The following TTC28 variants were observed in gnomAD, a reference collection of about 807,000 sequenced individuals.
The protein encoded by TTC28 is tetratricopeptide repeat domain 28.
Under a neutral mutation model 198.0 loss-of-function variants are expected in TTC28, and 61 were observed. The ratio of observed to expected loss-of-function variants is 0.31; its 90% CI spans 0.25 to 0.38. TTC28 has a LOEUF of 0.38. Among genes scored for constraint, TTC28 ranks in the 10% least tolerant of loss-of-function variants. The pLI, the probability that TTC28 is intolerant of heterozygous loss-of-function variation, is 1.00. For synonymous variants in TTC28, 1,171 were observed against 1,297.8 expected, an observed-to-expected ratio of 0.90 and a Z score of 2.10; for missense variants, 2,678 against 3,164.0, an observed-to-expected ratio of 0.85 and a Z score of 3.69.
At chr22:28,364,882 T>C (rs2046221855) in intron 2 of TTC28, among the ~76,000 whole-genome samples, 1 of 152,238 alleles carries the variant, frequency 6.6e-6, no homozygotes, top group African/African-American at 2.4e-5. Context: ...TGAACACTGT[T>C]GAAATTACAA....
intron 5 of TTC28, among the ~76,000 whole-genome samples, chr22:28,208,120 C>A (rs1403040764): frequency 1.3e-5 from 2 of 152,068 alleles, no homozygotes; most frequent in Non-Finnish European, 2.9e-5. Context: ...TTGTAACCTG[C>A]CCAAAATGCT....
chr22:28,169,463 C>T (rs1922411507), intron 5 of TTC28, among the ~76,000 whole-genome samples: 1 of 152,124 alleles, frequency 6.6e-6, no homozygotes, highest in Admixed American at 6.6e-5. Context: ...AAATGTGGCA[C>T]ATATACACCA....
At chr22:28,479,933 A>G (rs1347755528) in intron 2 of TTC28, among the ~76,000 whole-genome samples, 1 of 152,194 alleles carries the variant, frequency 6.6e-6, no homozygotes, top group Non-Finnish European at 1.5e-5. Context: ...TATTTTTAAA[A>G]CATTTATTGA....
intron 2 of TTC28, among the ~76,000 whole-genome samples, chr22:28,460,462 G>C (rs968803324): frequency 2.0e-5 from 3 of 151,838 alleles, no homozygotes; most frequent in African/African-American, 7.3e-5. Flanking sequence ...ACTCACATGA[G>C]ATAATACTTT....
intron 2 of TTC28, among the ~76,000 whole-genome samples, chr22:28,354,835 T>A (rs933222950): frequency 2.0e-4 from 31 of 151,542 alleles, no homozygotes; most frequent in Admixed American, 7.9e-4. Context: ...TCTTTTTTTT[T>A]AATATACTTT....
intron 6 of TTC28, among the ~76,000 whole-genome samples, chr22:28,112,525 G>A (rs966857281): frequency 6.6e-6 from 1 of 152,228 alleles, no homozygotes; most frequent in Admixed American, 6.5e-5. Context: ...AGAGTAAGAA[G>A]AGATGGATGA....
chr22:28,484,809 A>T (rs911470683), intron 2 of TTC28, among the ~76,000 whole-genome samples: 1 of 152,212 alleles, frequency 6.6e-6, no homozygotes, highest in Non-Finnish European at 1.5e-5. Context: ...TATTCTCTGA[A>T]ATCTAAAGAC....
intron 6 of TTC28, among the ~76,000 whole-genome samples, chr22:28,157,409 A>C (rs551905662): frequency 1.1e-4 from 16 of 152,224 alleles, no homozygotes; most frequent in Non-Finnish European, 1.9e-4. Flanking sequence ...CTGTTCCAAG[A>C]AACAGAGAAG....
intron 2 of TTC28, among the ~76,000 whole-genome samples, chr22:28,462,124 T>C (rs1048522528): frequency 6.6e-6 from 1 of 152,242 alleles, no homozygotes; most frequent in African/African-American, 2.4e-5. Context: ...ATTTATTATG[T>C]GACTGTGATA....
chr22:28,163,256 T>C lies in TTC28; in HGVS notation c.1277A>G (p.Glu426Gly), dbSNP rs1921451208. The C allele has an allele frequency of 6.4e-7, 1 of 1,551,664 alleles. No individual in the cohort carries two copies. Among genetic ancestry groups the C allele is most frequent in the Admixed American group, 2.0e-5 (1 of 50,966 alleles). ...YHNYVLELAQ[E>G]LMEKAIEMRA... ...CATCTCAATAGCCTTCTCCATCAAC[T>C]CCTGTGCCAGCTCCAGGACATAGTT... The change falls in exon 6 of 23, where the codon GAG becomes GGG. Residue 426 changes from glutamate to glycine, a missense_variant. Physicochemically the swap from Glu to Gly is moderately conservative, Grantham distance 98 (BLOSUM62 -2). This residue lies in a region of TTC28 where 775 missense variants were observed against 845.9 expected (regional missense o/e 0.92). Coordinates refer to ENST00000397906, the MANE Select transcript of TTC28 (RefSeq NM_001145418.2).
intron 13 of TTC28, among the ~76,000 whole-genome samples, chr22:28,015,026 T>C (rs1938307944): frequency 1.3e-5 from 2 of 152,232 alleles, no homozygotes; most frequent in Admixed American, 6.5e-5. Flanking sequence ...TTTCCAGGCA[T>C]AGTTTTATTA....
rs1019638937 is a variant in TTC28 at position 28,606,369 on chromosome 22, A to G, written c.381+23183T>C. 6.6e-5 allele frequency among the ~76,000 whole-genome samples: 10 copies of G among 152,202 alleles called. No individual in the cohort carries two copies. The South Asian group carries it at 1.2e-3, about 19-fold the overall frequency. On this transcript the variant is annotated intron_variant, in intron 2 of 22. Transcript: ENST00000397906. ...CTCCCAAAGTGCTGGGATTACAGGC[A>G]TGAGCCACCACACCCAGCCAATTGT...
intron 2 of TTC28, among the ~76,000 whole-genome samples, chr22:28,420,025 G>T (rs1243514462): frequency 1.3e-5 from 2 of 152,176 alleles, no homozygotes; most frequent in African/African-American, 4.8e-5. Flanking sequence ...TTCCTATGCA[G>T]CAAGTTTGAT....
intron 6 of TTC28, among the ~76,000 whole-genome samples, chr22:28,144,115 T>C (rs1943405220): frequency 2.0e-5 from 3 of 152,186 alleles, no homozygotes; most frequent in Non-Finnish European, 4.4e-5. Context: ...TGCAAAATGC[T>C]TCACATACAT....
intron 2 of TTC28, among the ~76,000 whole-genome samples, chr22:28,386,226 G>C (rs1392533358): frequency 8.2e-6 from 1 of 122,170 alleles, no homozygotes; most frequent in Non-Finnish European, 1.6e-5. Context: ...AGTGAGCCGA[G>C]ATCCCGCCAC....
rs1195857351 is a variant in TTC28 at position 28,107,688 on chromosome 22, G to A, written c.2157C>T (p.Asn719=). ...NSQAKFRALG[N]LGDIFICKKD... The stretch of plus-strand genomic sequence containing the variant: ...TTTTACAGATGAATATATCGCCCAG[G>A]TTTCCTAGGGCTCGAAATTTAGCCT... Residue 719 remains asparagine, a synonymous_variant, in exon 7 of 23, where the codon AAC becomes AAT. Transcript: ENST00000397906. The A allele has an allele frequency of 6.4e-7, 1 of 1,551,742 alleles. No homozygotes were observed. The highest frequency in any genetic ancestry group is 1.4e-5 in the African/African-American group (1 of 73,164).
At chr22:28,588,150 A>C (rs2050353631) in intron 2 of TTC28, among the ~76,000 whole-genome samples, 1 of 135,270 alleles carries the variant, frequency 7.4e-6, no homozygotes, top group African/African-American at 2.7e-5. Context: ...TCAAAAAAAA[A>C]AACAAACAAA....
intron 2 of TTC28, among the ~76,000 whole-genome samples, chr22:28,340,601 C>A (rs146587126): frequency 1.7e-3 from 263 of 152,286 alleles, no homozygotes; most frequent in Non-Finnish European, 2.3e-3. Flanking sequence ...AGGGTATAAG[C>A]CAGGCTATTT....
intron 5 of TTC28, among the ~76,000 whole-genome samples, chr22:28,201,742 T>C (rs1442338483): frequency 9.7e-6 from 1 of 103,146 alleles, no homozygotes; most frequent in Non-Finnish European, 1.9e-5. Context: ...AAGATCTGAT[T>C]ACAGAAAGCA....
Sources: gnomAD v4.1 joint callset for allele counts (sites outside exome capture counted in the v4.1 genomes callset) on GRCh38, gnomAD v4.1.1 for gene constraint, gnomAD v4.1.1 regional missense constraint, MANE v1.5 for transcripts, NCBI Gene and HGNC (gene_info 2026-07-23, HGNC 2026-07-21) for gene names.